The following CDH18 variants were observed in gnomAD, a reference collection of about 807,000 sequenced individuals.
CDH18 encodes the protein cadherin 18.
A neutral mutation model predicts 67.9 loss-of-function variants in CDH18; 31 were observed. The ratio of observed to expected loss-of-function variants is 0.46; its 90% CI spans 0.34 to 0.62. CDH18 has a LOEUF of 0.62. CDH18 is among the 20% of genes least tolerant of loss of function. The pLI, the probability that CDH18 is intolerant of heterozygous loss-of-function variation, is 0.01. For missense variants in CDH18, 890 were observed against 975.5 expected (o/e 0.91, Z 1.17); for synonymous variants, 362 against 347.2 (o/e 1.04, Z -0.48).
In CDH18 at chr5:19,590,507, TAGAC is replaced by T. The variant is rs1554054183; in HGVS notation, c.999+546_999+549del. Among the ~76,000 whole-genome samples, 359 of 149,942 alleles carry T rather than the reference TAGAC, an allele frequency of 2.4e-3. 7 individuals are homozygous for T. The East Asian group carries it at 0.054, about 23-fold the overall frequency. ...ATGGATAGATAGATAGATAGATAGA[TAGAC>T]AGACAGACAGATAGATAGATAGATA... is the stretch of plus-strand genomic sequence containing the variant. On this transcript the variant is annotated intron_variant, in intron 7 of 12. Coordinates refer to ENST00000382275, the MANE Select transcript of CDH18 (RefSeq NM_004934.5).
intron 4 of CDH18, among the ~76,000 whole-genome samples, chr5:19,723,191 C>T (rs1444999859): frequency 1.3e-5 from 2 of 152,002 alleles, no homozygotes; most frequent in East Asian, 1.9e-4. Flanking sequence ...ATTGCTTGAA[C>T]CTGGGAGGTG....
At chr5:20,296,825 A>G (rs1452374389) in intron 1 of CDH18, among the ~76,000 whole-genome samples, 1 of 151,872 alleles carries the variant, frequency 6.6e-6, no homozygotes, top group Admixed American at 6.6e-5. Context: ...AAATAATATT[A>G]CTATGATATT....
chr5:20,033,728 A>G (rs1739601495), intron 2 of CDH18, among the ~76,000 whole-genome samples: 1 of 152,036 alleles, frequency 6.6e-6, no homozygotes, highest in African/African-American at 2.4e-5. Flanking sequence ...ATGCATAAGC[A>G]CTTTTAGTAC....
chr5:20,012,421 A>AT (rs990985727), intron 2 of CDH18, among the ~76,000 whole-genome samples: 1 of 150,344 alleles, frequency 6.7e-6, no homozygotes, highest in African/African-American at 2.4e-5. Flanking sequence ...TGATCTTTGA[A>AT]TTTTTTTGTG....
intron 2 of CDH18, among the ~76,000 whole-genome samples, chr5:20,097,845 T>C (rs1002629742): frequency 3.3e-5 from 5 of 152,272 alleles, no homozygotes; most frequent in South Asian, 4.1e-4. Context: ...AAAATTACTG[T>C]TGCAATTGTT....
intron 8 of CDH18, among the ~76,000 whole-genome samples, chr5:19,557,828 A>G (rs1265691165): frequency 1.3e-5 from 2 of 152,096 alleles, no homozygotes; most frequent in East Asian, 3.9e-4. Flanking sequence ...CTACCCATCA[A>G]CTGCAGAATA....
rs1231021653 is a variant in CDH18 at position 19,471,501 on chromosome 5, ATAAATT to A, written c.*1719_*1724del. ...ATAACTTTTGGGGACACTGATAATGATAAATTTAAAGAGCAAAGGAAAAACTCCGGT... is the reference window on the plus strand; with the variant it reads ...ATAACTTTTGGGGACACTGATAATGATAAAGAGCAAAGGAAAAACTCCGGT... On this transcript the variant is annotated 3_prime_UTR_variant, in exon 13 of 13. Coordinates refer to ENST00000382275, the MANE Select transcript of CDH18 (RefSeq NM_004934.5). Among the ~76,000 whole-genome samples, 4 of 152,214 alleles carry A rather than the reference ATAAATT, an allele frequency of 2.6e-5. No homozygotes were observed. The highest frequency in any genetic ancestry group is 6.6e-5 in the Admixed American group (1 of 15,262).
At chr5:20,117,884 A>G (rs1748051292) in intron 2 of CDH18, among the ~76,000 whole-genome samples, 1 of 152,154 alleles carries the variant, frequency 6.6e-6, no homozygotes, top group African/African-American at 2.4e-5. Flanking sequence ...CTGAAGCAAC[A>G]CCTTTTTTTC....
intron 1 of CDH18, among the ~76,000 whole-genome samples, chr5:20,260,377 G>C (rs916590896): frequency 1.4e-4 from 21 of 152,006 alleles, no homozygotes; most frequent in African/African-American, 4.8e-4. Flanking sequence ...TCACAGTAGA[G>C]AATTGTGCTC....
intron 5 of CDH18, among the ~76,000 whole-genome samples, chr5:19,679,408 T>C (rs1759951234): frequency 6.6e-6 from 1 of 151,836 alleles, no homozygotes; most frequent in Admixed American, 6.6e-5. Flanking sequence ...CAAGCATGCC[T>C]GCTCTTGCCA....
chr5:19,889,091 T>C (rs1788522586), intron 2 of CDH18, among the ~76,000 whole-genome samples: 1 of 152,124 alleles, frequency 6.6e-6, no homozygotes, highest in Non-Finnish European at 1.5e-5. Flanking sequence ...ATGTAAATAC[T>C]ATGTAAATGG....
intron 3 of CDH18, among the ~76,000 whole-genome samples, chr5:19,771,274 G>A (rs1773699696): frequency 6.6e-6 from 1 of 152,186 alleles, no homozygotes; most frequent in Admixed American, 6.5e-5. Flanking sequence ...GATGTCACTT[G>A]GAAATATAGG....
intron 5 of CDH18, among the ~76,000 whole-genome samples, chr5:19,670,735 G>T (rs1472127550): frequency 6.6e-6 from 1 of 152,014 alleles, no homozygotes; most frequent in Non-Finnish European, 1.5e-5. Flanking sequence ...TGAACGACAA[G>T]ATCAACTGGG....
At chr5:20,162,786 C>T (rs748292216) in intron 2 of CDH18, among the ~76,000 whole-genome samples, 4 of 151,892 alleles carry the variant, frequency 2.6e-5, no homozygotes, top group Non-Finnish European at 4.4e-5. Flanking sequence ...TGGCTGGGCA[C>T]AGTGGCTCAC....
intron 10 of CDH18, among the ~76,000 whole-genome samples, chr5:19,507,587 G>T (rs998043102): frequency 6.6e-6 from 1 of 152,138 alleles, no homozygotes; most frequent in African/African-American, 2.4e-5. Context: ...AAAAAATGAT[G>T]AGTTCATGTC....
At chr5:20,490,808 G>A (rs1753542257) in intron 1 of CDH18, among the ~76,000 whole-genome samples, 1 of 152,106 alleles carries the variant, frequency 6.6e-6, no homozygotes. Flanking sequence ...TAAGGTTCAT[G>A]TAAATAAATG....
intron 1 of CDH18, among the ~76,000 whole-genome samples, chr5:20,565,696 T>C (rs1758462382): frequency 1.3e-5 from 2 of 151,428 alleles, no homozygotes; most frequent in South Asian, 2.1e-4. Context: ...CTGCATATAA[T>C]CAATGTGCTT....
At chr5:20,036,482 C>T (rs1739872514) in intron 2 of CDH18, among the ~76,000 whole-genome samples, 1 of 151,880 alleles carries the variant, frequency 6.6e-6, no homozygotes, top group African/African-American at 2.4e-5. Flanking sequence ...CTGTCATGTT[C>T]AAAGCTTTTA....
At chr5:20,227,251 C>T (rs768218368) in intron 2 of CDH18, among the ~76,000 whole-genome samples, 1 of 152,022 alleles carries the variant, frequency 6.6e-6, no homozygotes, top group Non-Finnish European at 1.5e-5. Flanking sequence ...AGAGGAGGGT[C>T]CATCTGAAAA....
Sources: allele counts gnomAD v4.1 joint callset (sites outside exome capture counted in the v4.1 genomes callset), GRCh38; gene constraint gnomAD v4.1.1; transcripts MANE v1.5; gene names NCBI Gene and HGNC (gene_info 2026-07-23, HGNC 2026-07-21).